Variants in KCNC2 observed in about 807,000 individuals in gnomAD.
KCNC2 encodes the protein voltage-gated potassium channel KCNC2.
KCNC2 carries 21 observed loss-of-function variants against 44.5 expected under a neutral mutation model. The observed-to-expected ratio is 0.47, with a 90% CI of 0.33 to 0.68. The LOEUF (loss-of-function observed/expected upper bound fraction) is 0.68, where lower values mean the gene tolerates loss of function less well. KCNC2 is among the 30% of genes least tolerant of loss of function. The pLI is 0.01. For missense variants in KCNC2, 589 were observed against 826.2 expected, an observed-to-expected ratio of 0.71 and a Z score of 3.52; for synonymous variants, 391 against 339.1, an observed-to-expected ratio of 1.15 and a Z score of -1.68.
chr12:75,087,876 C>T (rs1321528222), intron 2 of KCNC2, among the ~76,000 whole-genome samples: 1 of 151,968 alleles, frequency 6.6e-6, no homozygotes, highest in Non-Finnish European at 1.5e-5. Flanking sequence ...ATGACACAGG[C>T]TTATGTGTTT....
At chr12:75,102,661 C>T (rs576119761) in intron 2 of KCNC2, among the ~76,000 whole-genome samples, 36 of 152,056 alleles carry the variant, frequency 2.4e-4, no homozygotes, top group African/African-American at 6.3e-4. Flanking sequence ...TATATGCATA[C>T]GTAATTCCTA....
In KCNC2 at chr12:75,043,089, A is replaced by T; in HGVS notation, c.*16T>A. 1 of 1,610,412 alleles carries T rather than the reference A, an allele frequency of 6.2e-7. No individual in the cohort carries two copies. On this transcript the variant is annotated 3_prime_UTR_variant, in exon 5 of 5. Coordinates refer to ENST00000549446, the MANE Select transcript of KCNC2 (RefSeq NM_139137.4). Reference sequence around the variant, plus strand: ...TTAATACAATTTAGCCGACTGATGCAGTTTGGTTGTTTGGTTTACAAGATA... The same window carrying T: ...TTAATACAATTTAGCCGACTGATGCTGTTTGGTTGTTTGGTTTACAAGATA...
chr12:75,086,675 A>AT lies in KCNC2; in HGVS notation c.688-35359_688-35358insA, dbSNP rs1482026052. The stretch of plus-strand genomic sequence containing the variant: ...GTTCATTTGGCAAAAAAAAAAAAAA[A>AT]AAAAAAATATATATATATATATATA... On this transcript the variant is annotated intron_variant, in intron 2 of 4. Transcript: ENST00000549446. 3.7e-3 allele frequency among the ~76,000 whole-genome samples: 285 copies of AT among 76,392 alleles called. 2 individuals are homozygous for AT. Among genetic ancestry groups the AT allele is most frequent in the African/African-American group, 0.023 (254 of 11,272 alleles). The allele number at this position is 76,392 out of a possible 152,430, so 50.1% of individuals were successfully genotyped here.
intron 2 of KCNC2, among the ~76,000 whole-genome samples, chr12:75,170,605 C>T (rs1565909289): frequency 6.6e-6 from 1 of 151,716 alleles, no homozygotes; most frequent in Non-Finnish European, 1.5e-5. Context: ...TTTTCTTCTC[C>T]AATGTTGTCA....
intron 2 of KCNC2, among the ~76,000 whole-genome samples, chr12:75,090,061 T>A (rs1314329200): frequency 1.3e-5 from 2 of 151,746 alleles, no homozygotes; most frequent in Non-Finnish European, 3.0e-5. Context: ...TAATATATCA[T>A]TTTTATTAAC....
intron 2 of KCNC2, among the ~76,000 whole-genome samples, chr12:75,188,877 A>G (rs2029926244): frequency 6.7e-6 from 1 of 149,348 alleles, no homozygotes; most frequent in Non-Finnish European, 1.5e-5. Context: ...ATAAATAAAT[A>G]AATAAATAAA....
intron 2 of KCNC2, among the ~76,000 whole-genome samples, chr12:75,052,956 T>C: frequency 6.6e-6 from 1 of 152,158 alleles, no homozygotes; most frequent in Non-Finnish European, 1.5e-5. Flanking sequence ...TTTGGCAATG[T>C]GGTCTGATCA....
At chr12:75,159,816 A>G (rs1205656960) in intron 2 of KCNC2, among the ~76,000 whole-genome samples, 1 of 151,834 alleles carries the variant, frequency 6.6e-6, no homozygotes, top group African/African-American at 2.4e-5. Flanking sequence ...TGCATATTTT[A>G]AAGTGCTTTA....
At chr12:75,057,810 A>C (rs1881906713) in intron 2 of KCNC2, among the ~76,000 whole-genome samples, 2 of 151,950 alleles carry the variant, frequency 1.3e-5, no homozygotes, top group Non-Finnish European at 2.9e-5. Context: ...AAAAATACCC[A>C]AAATTACTAT....
chr12:75,073,866 T>C (rs986005158), intron 2 of KCNC2, among the ~76,000 whole-genome samples: 15 of 152,204 alleles, frequency 9.9e-5, no homozygotes, highest in African/African-American at 3.4e-4. Flanking sequence ...TAAAACTAGA[T>C]ATATATTTAA....
intron 2 of KCNC2, among the ~76,000 whole-genome samples, chr12:75,075,615 G>T (rs192242934): frequency 1.5e-4 from 23 of 151,908 alleles, no homozygotes; most frequent in Admixed American, 1.4e-3. Context: ...TTGCGTAGAA[G>T]GCAGATGACA....
intron 2 of KCNC2, among the ~76,000 whole-genome samples, chr12:75,178,641 G>A (rs916573052): frequency 2.0e-5 from 3 of 151,902 alleles, no homozygotes; most frequent in Non-Finnish European, 2.9e-5. Context: ...CTCAAATGGG[G>A]ATTAAATCAA....
intron 2 of KCNC2, among the ~76,000 whole-genome samples, chr12:75,151,456 A>T (rs1168448834): frequency 3.3e-5 from 5 of 151,970 alleles, no homozygotes; most frequent in Non-Finnish European, 7.4e-5. Flanking sequence ...GGAGCAGCTC[A>T]ACTTTAAAAC....
chr12:75,091,777 T>C (rs1350517323), intron 2 of KCNC2, among the ~76,000 whole-genome samples: 1 of 151,532 alleles, frequency 6.6e-6, no homozygotes, highest in Non-Finnish European at 1.5e-5. Context: ...TAAAAAAAAA[T>C]CTATGTAGAC....
intron 4 of KCNC2, among the ~76,000 whole-genome samples, chr12:75,045,058 G>GA (rs535305523): frequency 2.0e-5 from 3 of 151,878 alleles, no homozygotes; most frequent in Non-Finnish European, 2.9e-5. Flanking sequence ...GGAATTGTAG[G>GA]AAAAAATTAT....
intron 2 of KCNC2, among the ~76,000 whole-genome samples, chr12:75,118,487 C>T (rs1416394288): frequency 6.6e-6 from 1 of 151,854 alleles, no homozygotes; most frequent in African/African-American, 2.4e-5. Context: ...TGAGGGCTGT[C>T]ATGTAAGAAT....
At chr12:75,145,817 T>C (rs1036945627) in intron 2 of KCNC2, among the ~76,000 whole-genome samples, 1 of 152,152 alleles carries the variant, frequency 6.6e-6, no homozygotes, top group African/African-American at 2.4e-5. Context: ...TATGGTAAAA[T>C]GAACACTTTC....
intron 2 of KCNC2, among the ~76,000 whole-genome samples, chr12:75,114,472 A>G (rs1887493934): frequency 6.6e-6 from 1 of 152,192 alleles, no homozygotes; most frequent in Admixed American, 6.5e-5. Context: ...TGGTAAGCAA[A>G]ATGGACTACG....
intron 2 of KCNC2, among the ~76,000 whole-genome samples, chr12:75,115,756 TTTTAAACAAAATTATTTAATTA>T (rs1158415197): frequency 5.2e-4 from 79 of 152,302 alleles, no homozygotes; most frequent in African/African-American, 1.8e-3. Context: ...TCGTATCTTT[TTTTAAACAAAATTATTTAATTA>T]TTTAAACAAA....
Sources: allele counts gnomAD v4.1 joint callset (sites outside exome capture counted in the v4.1 genomes callset), GRCh38; gene constraint gnomAD v4.1.1; transcripts MANE v1.5; gene names NCBI Gene and HGNC (gene_info 2026-07-23, HGNC 2026-07-21).